The following NEGR1 variants were observed in gnomAD, a reference collection of about 807,000 sequenced individuals.
NEGR1 encodes the protein neuronal growth regulator 1, also known as IgLON family member 4.
Under a neutral mutation model 40.9 loss-of-function variants are expected in NEGR1, and 10 were observed. The ratio of observed to expected loss-of-function variants is 0.24; its 90% CI spans 0.15 to 0.42. NEGR1 has a LOEUF of 0.42. Among genes scored for constraint, NEGR1 ranks in the 10% least tolerant of loss-of-function variants. The pLI, the probability that NEGR1 is intolerant of heterozygous loss-of-function variation, is 1.00. For missense variants in NEGR1, 352 were observed against 438.9 expected (o/e 0.80, Z 1.77); for synonymous variants, 185 against 166.8 (o/e 1.11, Z -0.84).
intron 1 of NEGR1, among the ~76,000 whole-genome samples, chr1:72,180,761 C>A (rs192271625): frequency 2.0e-5 from 3 of 152,186 alleles, no homozygotes; most frequent in Admixed American, 6.6e-5. Context: ...CTATGAGATA[C>A]CACCTCAACC....
At chr1:71,519,972 C>A (rs903372053) in intron 6 of NEGR1, among the ~76,000 whole-genome samples, 1 of 151,798 alleles carries the variant, frequency 6.6e-6, no homozygotes, top group Non-Finnish European at 1.5e-5. Flanking sequence ...TAAAAAATAT[C>A]TAGTAAAATG....
intron 6 of NEGR1, among the ~76,000 whole-genome samples, chr1:71,538,998 A>AT (rs1647599235): frequency 6.6e-6 from 1 of 151,728 alleles, no homozygotes; most frequent in Non-Finnish European, 1.5e-5. Flanking sequence ...TTTCCATCAC[A>AT]TGGTTGTTGT....
chr1:72,147,426 GC>G (rs1650950852), intron 1 of NEGR1, among the ~76,000 whole-genome samples: 1 of 152,034 alleles, frequency 6.6e-6, no homozygotes, highest in Non-Finnish European at 1.5e-5. Context: ...GAAAAGGCCA[GC>G]CCCCATGATT....
intron 2 of NEGR1, among the ~76,000 whole-genome samples, chr1:71,928,488 A>ATATATACACAT (rs1645821333): frequency 7.2e-6 from 1 of 138,682 alleles, no homozygotes; most frequent in South Asian, 2.2e-4. Flanking sequence ...ATATATATGT[A>ATATATACACAT]TATATACACA....
intron 1 of NEGR1, among the ~76,000 whole-genome samples, chr1:72,247,887 T>G (rs1052963595): frequency 1.3e-5 from 2 of 152,136 alleles, no homozygotes; most frequent in Admixed American, 6.6e-5. Flanking sequence ...GCAGGCTTTT[T>G]AAGAAGCATG....
At chr1:72,240,622 T>C (rs1383035307) in intron 1 of NEGR1, among the ~76,000 whole-genome samples, 1 of 151,828 alleles carries the variant, frequency 6.6e-6, no homozygotes, top group Non-Finnish European at 1.5e-5. Flanking sequence ...CAAAGCAAAC[T>C]GGACCAGTCA....
At chr1:71,990,978 A>G (rs1311313913) in intron 1 of NEGR1, among the ~76,000 whole-genome samples, 1 of 151,658 alleles carries the variant, frequency 6.6e-6, no homozygotes, top group Non-Finnish European at 1.5e-5. Context: ...TGTCCAATTG[A>G]ACAGTCTTTC....
At chr1:72,019,513 A>G (rs1646738988) in intron 1 of NEGR1, among the ~76,000 whole-genome samples, 1 of 152,210 alleles carries the variant, frequency 6.6e-6, no homozygotes, top group Non-Finnish European at 1.5e-5. Context: ...AAAGCTATGA[A>G]GAACTAAAGA....
intron 2 of NEGR1, among the ~76,000 whole-genome samples, chr1:71,813,242 A>G (rs1339991204): frequency 6.6e-6 from 1 of 152,060 alleles, no homozygotes; most frequent in Non-Finnish European, 1.5e-5. Flanking sequence ...AGATGGTCGT[A>G]GATGTGCAGT....
intron 1 of NEGR1, among the ~76,000 whole-genome samples, chr1:72,018,527 A>G (rs1646731053): frequency 6.6e-6 from 1 of 152,194 alleles, no homozygotes; most frequent in African/African-American, 2.4e-5. Context: ...TCTAATGTGT[A>G]TAATTTTTAA....
intron 1 of NEGR1, among the ~76,000 whole-genome samples, chr1:72,021,516 G>A (rs563438948): frequency 1.3e-4 from 19 of 151,764 alleles, no homozygotes; most frequent in African/African-American, 4.6e-4. Flanking sequence ...TTAATAAATC[G>A]GAGATAAGTC....
chr1:71,549,304 A>T (rs1431117316), intron 6 of NEGR1, among the ~76,000 whole-genome samples: 1 of 151,738 alleles, frequency 6.6e-6, no homozygotes, highest in Admixed American at 6.6e-5. Flanking sequence ...CTGTGAGACT[A>T]GATTAACCGT....
At chr1:71,801,988 A>G (rs1657579989) in intron 2 of NEGR1, among the ~76,000 whole-genome samples, 1 of 152,304 alleles carries the variant, frequency 6.6e-6, no homozygotes, top group Non-Finnish European at 1.5e-5. Flanking sequence ...AAAATGAGGA[A>G]CATGTTATCA....
chr1:72,063,202 G>C (rs1236741047), intron 1 of NEGR1, among the ~76,000 whole-genome samples: 1 of 151,708 alleles, frequency 6.6e-6, no homozygotes, highest in Non-Finnish European at 1.5e-5. Flanking sequence ...ATCTATCATT[G>C]CACTGAGCTT....
chr1:71,661,960 G>C (rs1324856765), intron 4 of NEGR1, among the ~76,000 whole-genome samples: 2 of 152,106 alleles, frequency 1.3e-5, no homozygotes, highest in African/African-American at 4.8e-5. Context: ...AAGGATAAGG[G>C]TAGTACCGAC....
intron 1 of NEGR1, among the ~76,000 whole-genome samples, chr1:72,279,425 A>T (rs1212567500): frequency 2.0e-5 from 3 of 152,138 alleles, no homozygotes; most frequent in African/African-American, 7.2e-5. Context: ...GATAACTGTT[A>T]TGCCACTATT....
chr1:71,684,470 T>C (rs945450274), intron 4 of NEGR1, among the ~76,000 whole-genome samples: 2 of 152,116 alleles, frequency 1.3e-5, no homozygotes, highest in Admixed American at 1.3e-4. Flanking sequence ...TAACGTATGT[T>C]TGTGTGTATG....
intron 1 of NEGR1, among the ~76,000 whole-genome samples, chr1:72,236,344 A>G (rs1264993392): frequency 6.6e-6 from 1 of 151,998 alleles, no homozygotes; most frequent in Non-Finnish European, 1.5e-5. Context: ...TAACAAGTTG[A>G]TAGGTGCAGC....
intron 1 of NEGR1, among the ~76,000 whole-genome samples, chr1:72,041,957 A>G (rs139253395): frequency 0.13 from 17,357 of 136,702 alleles, 1,160 homozygotes; most frequent in African/African-American, 0.22. Flanking sequence ...TCTCAAATAT[A>G]TATTATATAT....
Sources: allele counts gnomAD v4.1 joint callset (sites outside exome capture counted in the v4.1 genomes callset), GRCh38; gene constraint gnomAD v4.1.1; transcripts MANE v1.5; gene names NCBI Gene and HGNC (gene_info 2026-07-23, HGNC 2026-07-21).